The following TAPBP variants were observed in gnomAD, a reference collection of about 807,000 sequenced individuals.
The protein encoded by TAPBP is tapasin.
TAPBP carries 38 observed loss-of-function variants against 45.7 expected under a neutral mutation model. The observed-to-expected ratio is 0.83, with a 90% CI of 0.64 to 1.09. TAPBP has a LOEUF of 1.09. TAPBP is among the 50% of genes least tolerant of loss of function. The probability of loss-of-function intolerance (pLI) is 0.00; values close to 1 mark genes in which losing one functional copy is unlikely to be tolerated. For missense variants in TAPBP, 513 were observed against 587.3 expected, an observed-to-expected ratio of 0.87 and a Z score of 1.31; for synonymous variants, 226 against 254.8, an observed-to-expected ratio of 0.89 and a Z score of 1.08.
chr6:33,310,364 G>A (rs1407975797), intron 3 of TAPBP, among the ~76,000 whole-genome samples: 1 of 151,342 alleles, frequency 6.6e-6, no homozygotes, highest in African/African-American at 2.4e-5. Flanking sequence ...AAATTAGCTG[G>A]GCCTGGTGGT....
In TAPBP at chr6:33,310,030, T is replaced by A. The variant is rs1769241868; in HGVS notation, c.469+3187A>T. ...TGAGCCACTGCGCCCAGCATTTTTT[T>A]AATTTTTAGTAGAGACAAGGTCTGG... On this transcript the variant is annotated intron_variant, in intron 3 of 7. Transcript: ENST00000434618. Among the ~76,000 whole-genome samples, 3 of 151,644 alleles carry A rather than the reference T, an allele frequency of 2.0e-5. No homozygotes were observed. The South Asian group carries it at 6.3e-4, about 32-fold the overall frequency.
rs1769529886 is a variant in TAPBP, at chr6:33,313,534, A to AG, written c.209-58dup. On this transcript the variant is annotated intron_variant, in intron 2 of 7. Transcript: ENST00000434618. The surrounding 1 kb of genome is among the most constrained non-coding windows in gnomAD (Gnocchi z 7.2). ...AGTCACCGCCGGGAAAGGGGCTGGA[A>AG]GGGCAGCGTTCGGGGAACTTCAAAT... The AG allele has an allele frequency of 2.8e-5, 42 of 1,511,908 alleles. No homozygotes were observed. Among genetic ancestry groups the AG allele is most frequent in the Non-Finnish European group, 3.7e-5 (42 of 1,127,436 alleles). 93.7% of individuals were successfully genotyped at this position (1,511,908 alleles called of 1,614,324 possible). A position where few individuals can be genotyped will look rare whatever the true frequency, so the allele number is the denominator to read the frequency against.
Position 33,305,013 on chromosome 6 carries a change from C to A in TAPBP, c.844G>T (p.Val282Phe), listed in dbSNP as rs2150961490. The A allele has an allele frequency of 6.2e-7, 1 of 1,614,202 alleles. No homozygotes were observed. The highest frequency in any genetic ancestry group is 1.3e-5 in the African/African-American group (1 of 75,048). Residue 282 changes from valine (V) to phenylalanine (F), a missense_variant, in exon 4 of 8, where the codon GTC becomes TTC. Physicochemically the swap from Val to Phe is conservative, Grantham distance 50. Coordinates refer to ENST00000434618, the MANE Select transcript of TAPBP (RefSeq NM_003190.5). This position sits in a 1 kb window ranked among gnomAD's most constrained non-coding sequence, Gnocchi z 4.4. ...TIHLPYLQGQVTLELAVYKPP... is the reference protein window; with the variant it reads ...TIHLPYLQGQFTLELAVYKPP... The stretch of plus-strand genomic sequence containing the variant: ...CTGTACACAGCAAGCTCCAGGGTGA[C>A]CTGTCCTTGCAGGTATGGCAGGTGT...
chr6:33,304,961 C>G (rs201431791), intron 4 of TAPBP, 28 bp downstream of exon 4: 6 of 1,611,020 alleles, frequency 3.7e-6, no homozygotes, highest in Non-Finnish European at 5.1e-6. Flanking sequence ...CACCCTCTAC[C>G]CCTGGAGACC....
chr6:33,304,754 T>C, intron 4 of TAPBP, 116 bp from the exon 5 acceptor site: 1 of 1,332,176 alleles, frequency 7.5e-7, no homozygotes, highest in Non-Finnish European at 1.0e-6. Context: ...TTTCTTCTCC[T>C]GAAATAGGGA....
rs149812046 is a variant in TAPBP, at chr6:33,303,499, G to T, written c.1335+456C>A. ...AAATGATTTCTGTGTTTAGATTTGG[G>T]TCTGATCCCAAAGATATTAAATATA... On this transcript the variant is annotated intron_variant, in intron 7 of 7. Coordinates refer to ENST00000434618, the MANE Select transcript of TAPBP (RefSeq NM_003190.5). 3.1e-3 allele frequency: 1,531 copies of T among 489,058 alleles called. 24 individuals carry two copies. Among genetic ancestry groups the T allele is most frequent in the Middle Eastern group, 0.012 (22 of 1,842 alleles). 30.3% of individuals were successfully genotyped at this position (489,058 alleles called of 1,614,324 possible).
rs780424793 is a variant in TAPBP, at chr6:33,304,978, C to T, written c.868+11G>A. 5 of 1,613,552 alleles carry T rather than the reference C, an allele frequency of 3.1e-6. No homozygotes were observed. The South Asian group carries it at 3.3e-5, about 11-fold the overall frequency. ...CCCTCTACCCCTGGAGACCTCTGTC[C>T]CCCAACTCACTGTACACAGCAAGCT... On this transcript the variant is annotated intron_variant, in intron 4 of 7. Coordinates refer to ENST00000434618, the MANE Select transcript of TAPBP (RefSeq NM_003190.5).
At chr6:33,304,663 A>T in intron 4 of TAPBP, 25 bp from the exon 5 acceptor site, 1 of 1,538,836 alleles carries the variant, frequency 6.5e-7, no homozygotes, top group Non-Finnish European at 8.7e-7. Flanking sequence ...CGAAATGAGC[A>T]TAGGGAAATC....
At chr6:33,306,348 T>C (rs1768967691) in intron 3 of TAPBP, among the ~76,000 whole-genome samples, 1 of 152,232 alleles carries the variant, frequency 6.6e-6, no homozygotes, top group African/African-American at 2.4e-5. Flanking sequence ...TCAGACTCAT[T>C]TATTCATTCA....
chr6:33,313,058 A>C lies in TAPBP; in HGVS notation c.469+159T>G. ...CTGGGTGAGGGCTAGAAGGAGCGGT[A>C]GAGATTGATTCATTCTAGCCAAACC... On this transcript the variant is annotated intron_variant, in intron 3 of 7. Transcript: ENST00000434618. The surrounding 1 kb of genome is among the most constrained non-coding windows in gnomAD (Gnocchi z 7.2). 1.2e-5 allele frequency: 8 copies of C among 685,042 alleles called. No homozygotes were observed. Among genetic ancestry groups the C allele is most frequent in the Non-Finnish European group, 1.8e-5 (8 of 434,690 alleles). 42.4% of individuals were successfully genotyped at this position (685,042 alleles called of 1,614,324 possible).
chr6:33,305,266 C>A lies in TAPBP; in HGVS notation c.591G>T (p.Pro197=), dbSNP rs200497341. ...PTSEAASSLA[P]GPPPFGLEWR... ...ACTCTAGCCCAAAGGGAGGGGGACC[C>A]GGAGCCAGAGATGAGGCGGCCTCGG... Residue 197 remains proline, a synonymous_variant, in exon 4 of 8, where the codon CCG becomes CCT. Coordinates refer to ENST00000434618, the MANE Select transcript of TAPBP (RefSeq NM_003190.5). This position sits in a 1 kb window ranked among gnomAD's most constrained non-coding sequence, Gnocchi z 4.4. 4 of 1,601,030 alleles carry A rather than the reference C, an allele frequency of 2.5e-6. No individual in the cohort carries two copies. In the African/African-American group the frequency reaches 5.4e-5, roughly 22 times the overall value.
At position 33,304,005 on chromosome 6, in the gene TAPBP, G is replaced by T; in HGVS notation, c.1301-16C>A. ...AGGTAGACAGCTGTGGGGAAAGATTGAGAAGGGATGGGATGCTGGAGTGGT... is the reference window on the plus strand; with the variant it reads ...AGGTAGACAGCTGTGGGGAAAGATTTAGAAGGGATGGGATGCTGGAGTGGT... On this transcript the variant is annotated splice_polypyrimidine_tract_variant and intron_variant, in intron 6 of 7. Coordinates refer to ENST00000434618, the MANE Select transcript of TAPBP (RefSeq NM_003190.5). 1 of 1,613,958 alleles carries T rather than the reference G, an allele frequency of 6.2e-7. No individual in the cohort carries two copies. The highest frequency in any genetic ancestry group is 8.5e-7 in the Non-Finnish European group (1 of 1,179,980).
In TAPBP at chr6:33,305,429, G is replaced by A; in HGVS notation, c.470-42C>T. 1 of 1,486,698 alleles carries A rather than the reference G, an allele frequency of 6.7e-7. No individual in the cohort carries two copies. Among genetic ancestry groups the A allele is most frequent in the South Asian group, 1.4e-5 (1 of 70,312 alleles). 92.1% of individuals were successfully genotyped at this position (1,486,698 alleles called of 1,614,324 possible). A position where few individuals can be genotyped will look rare whatever the true frequency, so the allele number is the denominator to read the frequency against. ...GATGAGGGGTTGGGAGGGGCATGAG[G>A]GAGAGAAAGAAGGAGAAAAAAATAG... On this transcript the variant is annotated intron_variant, in intron 3 of 7. Transcript: ENST00000434618. This position sits in a 1 kb window ranked among gnomAD's most constrained non-coding sequence, Gnocchi z 4.4.
rs1194981878 is a variant in TAPBP, at chr6:33,301,548, T to C, written c.*212A>G. The C allele has an allele frequency of 1.8e-6, 1 of 568,182 alleles. No homozygotes were observed. Among genetic ancestry groups the C allele is most frequent in the Non-Finnish European group, 3.0e-6 (1 of 328,880 alleles). 35.2% of individuals were successfully genotyped at this position (568,182 alleles called of 1,614,324 possible). On this transcript the variant is annotated 3_prime_UTR_variant, in exon 8 of 8. Coordinates refer to ENST00000434618, the MANE Select transcript of TAPBP (RefSeq NM_003190.5). ...AAGATCATGCCACTGCACTGCAGCC[T>C]GGGCGGAAGAGTGAGACTCCGTCTC...
intron 3 of TAPBP, among the ~76,000 whole-genome samples, chr6:33,306,320 G>A (rs559585881): frequency 1.5e-4 from 23 of 152,140 alleles, no homozygotes; most frequent in Non-Finnish European, 3.1e-4. Context: ...GACACTAAAA[G>A]CAAACCCTTG....
chr6:33,311,447 G>A (rs1769337904), intron 3 of TAPBP, among the ~76,000 whole-genome samples: 1 of 152,078 alleles, frequency 6.6e-6, no homozygotes, highest in South Asian at 2.1e-4. Context: ...TTACCAACAT[G>A]GAGAAACCTC....
intron 3 of TAPBP, chr6:33,312,944 G>A (rs1044164606): frequency 5.0e-6 from 2 of 401,348 alleles, no homozygotes; most frequent in African/African-American, 2.1e-5. Flanking sequence ...CCCGCCCTTC[G>A]AAACACCAGA....
At chr6:33,302,986 T>C (rs1324294896) in intron 7 of TAPBP, among the ~76,000 whole-genome samples, 2 of 152,202 alleles carry the variant, frequency 1.3e-5, no homozygotes, top group Non-Finnish European at 2.9e-5. Context: ...ATATTTTGGA[T>C]GTACAGGTTG....
rs1581734619 is a variant in TAPBP at position 33,301,686 on chromosome 6, A to G, written c.*74T>C. The G allele has an allele frequency of 7.4e-7, 1 of 1,348,848 alleles. No individual in the cohort carries two copies. The highest frequency in any genetic ancestry group is 1.1e-6 in the Non-Finnish European group (1 of 941,332). The allele number at this position is 1,348,848 out of a possible 1,614,324, so 83.6% of individuals were successfully genotyped here. A position where few individuals can be genotyped will look rare whatever the true frequency, so the allele number is the denominator to read the frequency against. ...AGGGATTAGGAGCAGATGATAGGGT[A>G]TTATTTTAGGGAGCTACTACAGAAG... On this transcript the variant is annotated 3_prime_UTR_variant, in exon 8 of 8. Transcript: ENST00000434618.
Sources: gnomAD v4.1 joint callset for allele counts (sites outside exome capture counted in the v4.1 genomes callset) on GRCh38, gnomAD v4.1.1 for gene constraint, Gnocchi (gnomAD v3.1) non-coding constraint, MANE v1.5 for transcripts, NCBI Gene and HGNC (gene_info 2026-07-23, HGNC 2026-07-21) for gene names.